TBC1D5: variants seen among roughly 807,000 people sequenced by gnomAD.
The protein encoded by TBC1D5 is TBC1 domain family, member 5.
TBC1D5 carries 75 observed loss-of-function variants against 100.3 expected under a neutral mutation model. That is an observed-to-expected ratio of 0.75 (90% confidence interval 0.62 to 0.91). The LOEUF is 0.91. Ranked by LOEUF, TBC1D5 falls within the 40% of genes least tolerant of loss-of-function variation. The pLI, the probability that TBC1D5 is intolerant of heterozygous loss-of-function variation, is 0.00. For missense variants in TBC1D5, 910 were observed against 942.4 expected, an observed-to-expected ratio of 0.97 and a Z score of 0.45; for synonymous variants, 323 against 325.6, an observed-to-expected ratio of 0.99 and a Z score of 0.09.
Position 17,233,625 on chromosome 3 carries a change from A to G in TBC1D5, c.1588+4538T>C, listed in dbSNP as rs562980014. 3 of 963,658 alleles carry G rather than the reference A, an allele frequency of 3.1e-6. No individual in the cohort carries two copies. In the African/African-American group the frequency reaches 5.0e-5, roughly 16 times the overall value. The allele number at this position is 963,658 out of a possible 1,614,324, so 59.7% of individuals were successfully genotyped here. On this transcript the variant is annotated intron_variant, in intron 17 of 21. Coordinates refer to ENST00000253692, the Ensembl canonical transcript of TBC1D5. ...AAAAAGAAAAATGGAGTTTTGGAGT[A>G]GGCAATGATAATACTGTAGGCAAAG...
chr3:17,681,339 G>T (rs937111738), intron 1 of TBC1D5, among the ~76,000 whole-genome samples: 1 of 151,474 alleles, frequency 6.6e-6, no homozygotes, highest in Non-Finnish European at 1.5e-5. Context: ...ACGCCACTCT[G>T]GTTACCTGGT....
intron 18 of TBC1D5, among the ~76,000 whole-genome samples, chr3:17,201,088 T>G (rs1373712827): frequency 6.6e-6 from 1 of 152,052 alleles, no homozygotes; most frequent in Non-Finnish European, 1.5e-5. Flanking sequence ...AAATCCAAAT[T>G]TTTTTTTATC....
chr3:17,664,639 T>G (rs1467017261), intron 1 of TBC1D5, among the ~76,000 whole-genome samples: 1 of 152,186 alleles, frequency 6.6e-6, no homozygotes, highest in African/African-American at 2.4e-5. Context: ...TTCAGCTTTC[T>G]TCTCATCCCA....
chr3:17,352,437 AAAG>A (rs1012946589), intron 13 of TBC1D5, among the ~76,000 whole-genome samples: 32 of 152,156 alleles, frequency 2.1e-4, no homozygotes, highest in Admixed American at 2.0e-3. Flanking sequence ...TTTTAAAATA[AAAG>A]AAGAGAAATA....
exon 1 of TBC1D5, chr3:17,739,623 CG>C (rs1560596223): frequency 6.6e-6 from 1 of 152,210 alleles, no homozygotes; most frequent in East Asian, 1.9e-4. Flanking sequence ...GCAAGCAAAA[CG>C]AAACTGCAAA....
At chr3:17,380,345 AT>A (rs1204531320) in intron 9 of TBC1D5, among the ~76,000 whole-genome samples, 1 of 151,804 alleles carries the variant, frequency 6.6e-6, no homozygotes, top group African/African-American at 2.4e-5. Context: ...TAAACTAGGG[AT>A]TTTTTTTCAA....
chr3:17,212,530 C>G (rs911281923), intron 18 of TBC1D5, among the ~76,000 whole-genome samples: 1 of 151,796 alleles, frequency 6.6e-6, no homozygotes, highest in Non-Finnish European at 1.5e-5. Context: ...AACTTTAAAA[C>G]AATGTCAGGC....
chr3:17,435,127 CT>C (rs1222035705), intron 3 of TBC1D5, among the ~76,000 whole-genome samples: 5 of 152,306 alleles, frequency 3.3e-5, no homozygotes, highest in Non-Finnish European at 7.3e-5. Context: ...AAGTTCCAAA[CT>C]TTCCCACATC....
chr3:17,653,049 A>G (rs73028353), intron 1 of TBC1D5, among the ~76,000 whole-genome samples: 2 of 152,218 alleles, frequency 1.3e-5, no homozygotes, highest in Non-Finnish European at 2.9e-5. Context: ...AGATAGACAC[A>G]AAAGTCACTA....
At chr3:17,185,252 C>A (rs965583645) in intron 18 of TBC1D5, 44 bp from the exon 20 acceptor site, 42 of 1,530,804 alleles carry the variant, frequency 2.7e-5, no homozygotes, top group Non-Finnish European at 3.6e-5. Context: ...TAGAGATTGT[C>A]AAATAAAATC....
chr3:17,359,131 A>G (rs374405224), intron 13 of TBC1D5, among the ~76,000 whole-genome samples: 43 of 152,276 alleles, frequency 2.8e-4, no homozygotes, highest in African/African-American at 9.4e-4. Context: ...AAGCAAAAAT[A>G]AGAAGCAAAA....
intron 2 of TBC1D5, chr3:17,622,819 T>C (rs1298082967): frequency 6.6e-6 from 1 of 152,180 alleles, no homozygotes; most frequent in African/African-American, 2.4e-5. Context: ...ACACTATGAC[T>C]GGCAGAAAAC....
chr3:17,264,403 T>C (rs77628798), intron 15 of TBC1D5, among the ~76,000 whole-genome samples: 1 of 152,186 alleles, frequency 6.6e-6, no homozygotes, highest in Non-Finnish European at 1.5e-5. Flanking sequence ...AGAAGTCTCA[T>C]CTTGCTTTGA....
chr3:17,723,299 C>A (rs1245654785), intron 1 of TBC1D5, among the ~76,000 whole-genome samples: 4 of 151,962 alleles, frequency 2.6e-5, no homozygotes, highest in African/African-American at 9.7e-5. Context: ...AATATATACA[C>A]CTATTACATA....
At chr3:17,455,347 T>G (rs1170829942) in intron 3 of TBC1D5, among the ~76,000 whole-genome samples, 1 of 130,582 alleles carries the variant, frequency 7.7e-6, no homozygotes, top group South Asian at 2.4e-4. Context: ...TATGTATATA[T>G]GTATATGTAT....
At chr3:17,691,759 G>C (rs2071201402) in intron 1 of TBC1D5, among the ~76,000 whole-genome samples, 1 of 151,762 alleles carries the variant, frequency 6.6e-6, no homozygotes, top group Admixed American at 6.6e-5. Context: ...GGAGGTTGCA[G>C]TGAGCCGAGA....
intron 9 of TBC1D5, among the ~76,000 whole-genome samples, chr3:17,382,349 T>C (rs2092980478): frequency 6.6e-6 from 1 of 152,094 alleles, no homozygotes; most frequent in African/African-American, 2.4e-5. Context: ...CCCTAAATTA[T>C]ATTATCTCCG....
intron 15 of TBC1D5, among the ~76,000 whole-genome samples, chr3:17,269,638 C>T (rs757858250): frequency 2.5e-4 from 37 of 149,874 alleles, no homozygotes; most frequent in Non-Finnish European, 5.0e-4. Flanking sequence ...GTCTTGTCTC[C>T]CTCCCTCCCT....
intron 17 of TBC1D5, among the ~76,000 whole-genome samples, chr3:17,218,781 A>G (rs1357915489): frequency 6.6e-6 from 1 of 152,008 alleles, no homozygotes; most frequent in Non-Finnish European, 1.5e-5. Context: ...TGTCAATCTT[A>G]CTGAGGAACT....
Sources: allele counts gnomAD v4.1 joint callset (sites outside exome capture counted in the v4.1 genomes callset), GRCh38; gene constraint gnomAD v4.1.1; transcripts MANE v1.5; gene names NCBI Gene and HGNC (gene_info 2026-07-23, HGNC 2026-07-21).